Variants in SOX5 observed in about 807,000 individuals in gnomAD.
The protein encoded by SOX5 is transcription factor SOX-5.
A neutral mutation model predicts 92.0 loss-of-function variants in SOX5; 9 were observed. The observed-to-expected ratio is 0.10, with a 90% CI of 0.06 to 0.17. The LOEUF (loss-of-function observed/expected upper bound fraction) is 0.17, where lower values mean the gene tolerates loss of function less well. SOX5 is among the 10% of genes least tolerant of loss of function. The pLI, the probability that SOX5 is intolerant of heterozygous loss-of-function variation, is 1.00. For synonymous variants in SOX5, 344 were observed against 336.3 expected, an observed-to-expected ratio of 1.02 and a Z score of -0.25; for missense variants, 642 against 944.5, an observed-to-expected ratio of 0.68 and a Z score of 4.20.
intron 2 of SOX5, among the ~76,000 whole-genome samples, chr12:23,851,846 A>G (rs2034945123): frequency 6.6e-6 from 1 of 152,116 alleles, no homozygotes; most frequent in Non-Finnish European, 1.5e-5. Flanking sequence ...AAACAACTAT[A>G]AGGTACACAA....
intron 3 of SOX5, among the ~76,000 whole-genome samples, chr12:23,779,343 C>G (rs1475750459): frequency 6.7e-6 from 1 of 150,208 alleles, no homozygotes; most frequent in South Asian, 2.1e-4. Flanking sequence ...ATTTTACTTC[C>G]ACTGAATAGA....
At chr12:23,811,829 G>C (rs4275709) in intron 3 of SOX5, among the ~76,000 whole-genome samples, 48,556 of 151,842 alleles carry the variant, frequency 0.32, 8,091 homozygotes, top group East Asian at 0.58. Context: ...TGAATTAGAA[G>C]TAGTTAAAAA....
chr12:24,307,116 T>C (rs995629474), intron 2 of SOX5, among the ~76,000 whole-genome samples: 14 of 152,136 alleles, frequency 9.2e-5, no homozygotes, highest in African/African-American at 3.4e-4. Flanking sequence ...CATGCACCTG[T>C]AGTCCAAGCT....
intron 4 of SOX5, among the ~76,000 whole-genome samples, chr12:24,056,618 A>G (rs1264516610): frequency 6.6e-6 from 1 of 152,120 alleles, no homozygotes; most frequent in African/African-American, 2.4e-5. Flanking sequence ...ATGACTCATC[A>G]TTCTGTTGCT....
At chr12:24,207,442 A>G (rs1033260835) in intron 4 of SOX5, among the ~76,000 whole-genome samples, 3 of 152,156 alleles carry the variant, frequency 2.0e-5, no homozygotes, top group African/African-American at 7.2e-5. Flanking sequence ...ACAGAGTAAG[A>G]CTCAGTAAGA....
At chr12:24,176,638 G>A (rs1305576946) in intron 4 of SOX5, among the ~76,000 whole-genome samples, 1 of 152,196 alleles carries the variant, frequency 6.6e-6, no homozygotes, top group Non-Finnish European at 1.5e-5. Flanking sequence ...GAGGGTTTGA[G>A]TTTAAATGAA....
At chr12:23,839,325 T>C (rs2096482914) in intron 3 of SOX5, among the ~76,000 whole-genome samples, 1 of 152,124 alleles carries the variant, frequency 6.6e-6, no homozygotes, top group African/African-American at 2.4e-5. Context: ...CAAGGCCATA[T>C]ACCATATTTC....
At chr12:24,031,968 CA>C (rs1569509752) in intron 4 of SOX5, among the ~76,000 whole-genome samples, 1 of 151,758 alleles carries the variant, frequency 6.6e-6, no homozygotes, top group African/African-American at 2.4e-5. Flanking sequence ...AGGATTATAG[CA>C]GAGAAAATAT....
intron 2 of SOX5, among the ~76,000 whole-genome samples, chr12:24,307,514 G>T (rs1948727307): frequency 4.0e-4 from 12 of 30,120 alleles, no homozygotes; most frequent in African/African-American, 5.8e-4. Flanking sequence ...AGGAAGGAAG[G>T]AAGGCCGGCC....
At chr12:24,546,637 TCA>T (rs766789437) in intron 1 of SOX5, among the ~76,000 whole-genome samples, 2 of 152,188 alleles carry the variant, frequency 1.3e-5, no homozygotes, top group African/African-American at 2.4e-5. Flanking sequence ...TTAGCTGAAC[TCA>T]CAGTCTTAGC....
intron 3 of SOX5, among the ~76,000 whole-genome samples, chr12:23,756,537 C>CA (rs1256308731): frequency 6.6e-6 from 1 of 151,902 alleles, no homozygotes; most frequent in Non-Finnish European, 1.5e-5. Flanking sequence ...AACTCAGTTT[C>CA]AAACAATATA....
intron 3 of SOX5, among the ~76,000 whole-genome samples, chr12:23,786,310 GTA>G (rs1364356195): frequency 6.6e-6 from 1 of 151,828 alleles, no homozygotes; most frequent in Non-Finnish European, 1.5e-5. Flanking sequence ...TCAAACTATT[GTA>G]TGTAGCTATT....
intron 3 of SOX5, among the ~76,000 whole-genome samples, chr12:23,759,040 C>G (rs868432607): frequency 1.4e-5 from 2 of 143,192 alleles, no homozygotes; most frequent in African/African-American, 5.3e-5. Flanking sequence ...GACACACACA[C>G]ACACACACAC....
In SOX5 at chr12:23,876,022, CAG is replaced by C. The variant is rs1158874263; in HGVS notation, c.270+19769_270+19770del. On this transcript the variant is annotated intron_variant, in intron 2 of 14. Transcript: ENST00000451604. The stretch of plus-strand genomic sequence containing the variant: ...ATTCACAAATTTACAAGCAGTGGGC[CAG>C]ATTTTCCAGCAAGTTGTAGTTTGTT... 2.0e-5 allele frequency among the ~76,000 whole-genome samples: 3 copies of C among 152,126 alleles called. No individual in the cohort carries two copies. In the East Asian group the frequency reaches 5.8e-4, roughly 29 times the overall value.
intron 3 of SOX5, among the ~76,000 whole-genome samples, chr12:23,773,326 C>T (rs892551513): frequency 6.6e-6 from 1 of 152,060 alleles, no homozygotes; most frequent in Non-Finnish European, 1.5e-5. Flanking sequence ...AACTGTAAAA[C>T]TGTAAATATA....
intron 1 of SOX5, among the ~76,000 whole-genome samples, chr12:23,940,745 T>TACACACACAC (rs36124621): frequency 0.016 from 2,184 of 139,706 alleles, 25 homozygotes; most frequent in African/African-American, 0.036. Context: ...AGATAAGTAT[T>TACACACACAC]ACACACACAC....
chr12:23,577,853 G>T (rs2136763613), intron 9 of SOX5, among the ~76,000 whole-genome samples: 1 of 151,894 alleles, frequency 6.6e-6, no homozygotes, highest in South Asian at 2.1e-4. Flanking sequence ...TGGGTGCAGT[G>T]GCTCACACCT....
At chr12:24,348,110 T>A (rs944788886) in intron 2 of SOX5, among the ~76,000 whole-genome samples, 17 of 151,480 alleles carry the variant, frequency 1.1e-4, no homozygotes, top group Non-Finnish European at 2.5e-4. Flanking sequence ...CTGAATATTT[T>A]TAAAATGAGT....
At chr12:23,963,932 C>A (rs980818599) in intron 4 of SOX5, among the ~76,000 whole-genome samples, 2 of 151,888 alleles carry the variant, frequency 1.3e-5, no homozygotes, top group Non-Finnish European at 2.9e-5. Flanking sequence ...AAACAGTAGT[C>A]TTCAAACATT....
Sources: allele counts gnomAD v4.1 joint callset (sites outside exome capture counted in the v4.1 genomes callset), GRCh38; gene constraint gnomAD v4.1.1; transcripts MANE v1.5; gene names NCBI Gene and HGNC (gene_info 2026-07-23, HGNC 2026-07-21).